The following SLC9B1 variants were observed in gnomAD, a reference collection of about 807,000 sequenced individuals.
The protein encoded by SLC9B1 is solute carrier family 9 member B1.
A neutral mutation model predicts 51.7 loss-of-function variants in SLC9B1; 32 were observed. The ratio of observed to expected loss-of-function variants is 0.62; its 90% CI spans 0.47 to 0.83. The LOEUF (loss-of-function observed/expected upper bound fraction) is 0.83. Among genes scored for constraint, SLC9B1 ranks in the 40% least tolerant of loss-of-function variants. The pLI, the probability that SLC9B1 is intolerant of heterozygous loss-of-function variation, is 0.00. For missense variants in SLC9B1, 406 were observed against 613.2 expected (o/e 0.66, Z 3.57); for synonymous variants, 145 against 212.7 (o/e 0.68, Z 2.77).
At chr4:102,917,098 G>A (rs1482574502) in intron 7 of SLC9B1, among the ~76,000 whole-genome samples, 2 of 152,222 alleles carry the variant, frequency 1.3e-5, no homozygotes, top group African/African-American at 4.8e-5. Flanking sequence ...CTCTTCCAGA[G>A]CAGTATGCCT....
At chr4:102,895,569 C>A (rs978036401) in intron 11 of SLC9B1, among the ~76,000 whole-genome samples, 15 of 152,090 alleles carry the variant, frequency 9.9e-5, no homozygotes, top group Middle Eastern at 3.4e-3. Context: ...ATGTATGATA[C>A]CCCATTTTAA....
chr4:102,889,022 T>G (rs568722495), intron 11 of SLC9B1: 1 of 152,356 alleles, frequency 6.6e-6, no homozygotes, highest in East Asian at 1.9e-4. Context: ...TATTGGGCAC[T>G]TGTATGTACC....
chr4:102,921,260 C>T (rs1578347566), intron 7 of SLC9B1, among the ~76,000 whole-genome samples: 1 of 152,176 alleles, frequency 6.6e-6, no homozygotes, highest in African/African-American at 2.4e-5. Flanking sequence ...CAATATTCAA[C>T]ACTCTTAAAG....
At chr4:102,885,092 T>C in exon 12 of SLC9B1, 1 of 780,586 alleles carries the variant, frequency 1.3e-6, no homozygotes, top group South Asian at 1.4e-5. Context: ...CACAGTTTTA[T>C]GGATCCATTA....
intron 3 of SLC9B1, among the ~76,000 whole-genome samples, chr4:102,988,061 T>A (rs558597043): frequency 6.6e-6 from 1 of 152,218 alleles, no homozygotes; most frequent in South Asian, 2.1e-4. Flanking sequence ...GCTAACTTCA[T>A]AAAACTGATA....
downstream of SLC9B1, chr4:102,898,260 G>A (rs1734627785): frequency 2.0e-6 from 1 of 489,784 alleles, no homozygotes; most frequent in African/African-American, 2.0e-5. Flanking sequence ...AGGGACCACA[G>A]AAAGAAACTT....
intron 5 of SLC9B1, among the ~76,000 whole-genome samples, chr4:102,945,639 GT>G (rs1396102941): frequency 6.6e-6 from 1 of 152,004 alleles, no homozygotes; most frequent in Admixed American, 6.6e-5. Flanking sequence ...TCCTATTAGT[GT>G]TTTCCCATTA....
intron 11 of SLC9B1, chr4:102,891,000 G>A: frequency 6.6e-6 from 1 of 150,998 alleles, no homozygotes; most frequent in East Asian, 1.9e-4. Flanking sequence ...CCACTTTGAA[G>A]GCTGGGAAAA....
chr4:102,927,667 C>T (rs1328896222), intron 7 of SLC9B1, among the ~76,000 whole-genome samples: 2 of 152,114 alleles, frequency 1.3e-5, no homozygotes, highest in African/African-American at 2.4e-5. Flanking sequence ...GACATTGTGG[C>T]GATTCCTCGA....
intron 3 of SLC9B1, chr4:102,962,385 T>C (rs917293602): frequency 3.0e-5 from 16 of 537,730 alleles, no homozygotes; most frequent in Admixed American, 9.7e-5. Context: ...TTAAATATCT[T>C]TGAGCAGAAT....
intron 7 of SLC9B1, among the ~76,000 whole-genome samples, chr4:102,916,605 C>G (rs914811558): frequency 6.6e-6 from 1 of 152,172 alleles, no homozygotes; most frequent in African/African-American, 2.4e-5. Context: ...ATATACAGAA[C>G]ACTTCACCCA....
chr4:102,904,539 C>T (rs1464274343), intron 11 of SLC9B1, among the ~76,000 whole-genome samples: 1 of 151,874 alleles, frequency 6.6e-6, no homozygotes, highest in Non-Finnish European at 1.5e-5. Flanking sequence ...GCTTTTAAAA[C>T]TGAGATTTAA....
intron 3 of SLC9B1, among the ~76,000 whole-genome samples, chr4:102,984,095 C>T (rs1254422346): frequency 6.6e-6 from 1 of 151,706 alleles, no homozygotes; most frequent in African/African-American, 2.4e-5. Flanking sequence ...TCATTTTGTT[C>T]AAAGTACTTG....
chr4:102,986,126 A>G (rs1159896483), intron 3 of SLC9B1, among the ~76,000 whole-genome samples: 3 of 152,126 alleles, frequency 2.0e-5, no homozygotes, highest in Non-Finnish European at 4.4e-5. Context: ...ACCATCTTTT[A>G]ACATCTCTTG....
chr4:102,982,184 C>A (rs74641317), intron 3 of SLC9B1, among the ~76,000 whole-genome samples: 3 of 151,812 alleles, frequency 2.0e-5, no homozygotes, highest in Admixed American at 6.6e-5. Context: ...ATTGTATTGC[C>A]TTTATTCCTT....
At chr4:102,924,470 G>A (rs1327283472) in intron 7 of SLC9B1, among the ~76,000 whole-genome samples, 1 of 152,110 alleles carries the variant, frequency 6.6e-6, no homozygotes, top group African/African-American at 2.4e-5. Flanking sequence ...GAATACCTAG[G>A]CAATACCATT....
intron 1 of SLC9B1, among the ~76,000 whole-genome samples, chr4:103,008,115 C>T (rs1740885455): frequency 6.6e-6 from 1 of 152,070 alleles, no homozygotes; most frequent in South Asian, 2.1e-4. Context: ...AAATCCTTTT[C>T]GGAATGAGGT....
chr4:102,947,395 G>C (rs1737321472), intron 4 of SLC9B1, among the ~76,000 whole-genome samples: 1 of 152,176 alleles, frequency 6.6e-6, no homozygotes, highest in Admixed American at 6.6e-5. Context: ...TTATTTTTGA[G>C]GACAGGGTCT....
chr4:102,927,979 G>A (rs1578354603), intron 7 of SLC9B1, among the ~76,000 whole-genome samples: 1 of 150,026 alleles, frequency 6.7e-6, no homozygotes, highest in Non-Finnish European at 1.5e-5. Context: ...CACAAGGACA[G>A]AAAACCAAAC....
Sources: allele counts gnomAD v4.1 joint callset (sites outside exome capture counted in the v4.1 genomes callset), GRCh38; gene constraint gnomAD v4.1.1; transcripts MANE v1.5; gene names NCBI Gene and HGNC (gene_info 2026-07-23, HGNC 2026-07-21).